Variants in FAM133A observed in about 807,000 individuals in gnomAD.
The protein encoded by FAM133A is family with sequence similarity 133 member A, also known as protein FAM133A.
For missense variants in FAM133A, 159 were observed against 164.4 expected, an observed-to-expected ratio of 0.97 and a Z score of 0.18; for synonymous variants, 65 against 58.6, an observed-to-expected ratio of 1.11 and a Z score of -0.50.
At chrX:93,708,629 A>G (rs1927206287) in intron 3 of FAM133A, among the ~76,000 whole-genome samples, 1 of 112,003 alleles carries the variant, frequency 8.9e-6, no homozygotes, top group Non-Finnish European at 1.9e-5. Flanking sequence ...AGAGACAATG[A>G]TAGGATCAAC....
rs778847468 is a variant in FAM133A at position 93,710,176 on chromosome X, A to T, written c.*10A>T. ...TCACAAGTCAAGGTAACATCAAGAA[A>T]AAAAGCAAGAATGAGTTTGCCGAGT... On this transcript the variant is annotated 3_prime_UTR_variant, in exon 4 of 4. Transcript: ENST00000683942. 8 of 1,149,934 alleles carry T rather than the reference A, an allele frequency of 7.0e-6. No homozygotes were observed. Among genetic ancestry groups the T allele is most frequent in the Non-Finnish European group, 9.2e-6 (8 of 872,109 alleles). The allele number at this position is 1,149,934 out of a possible 1,213,427, so 94.8% of individuals were successfully genotyped here. A position where few individuals can be genotyped will look rare whatever the true frequency, so the allele number is the denominator to read the frequency against.
Position 93,709,618 on chromosome X carries a change from G to A in FAM133A, c.199G>A (p.Glu67Lys), listed in dbSNP as rs34123774. The A allele has an allele frequency of 0.05, 59,241 of 1,192,061 alleles. 1,138 individuals are homozygous for A. Among genetic ancestry groups the A allele is most frequent in the Non-Finnish European group, 0.058 (51,410 of 888,953 alleles). The change falls in exon 4 of 4, where the codon GAA (glutamate) becomes AAA (lysine). Residue 67 changes from glutamate to lysine, a missense_variant. Transcript: ENST00000683942. ...AGCTGAATTTGAAGAAAAAATGAAT[G>A]AAAATTGGAAGAAAGAACTTGAAAA... ...ALAEFEEKMN[E>K]NWKKELEKSR... is the part of the protein sequence containing the mutation.
At chrX:93,700,400 A>G (rs1926613523) in intron 3 of FAM133A, among the ~76,000 whole-genome samples, 1 of 111,465 alleles carries the variant, frequency 9.0e-6, no homozygotes, top group Admixed American at 9.6e-5. Flanking sequence ...AAATTTGTTG[A>G]GTGAATGAAT....
At chrX:93,676,210 T>C (rs1924680856) in intron 2 of FAM133A, among the ~76,000 whole-genome samples, 1 of 110,951 alleles carries the variant, frequency 9.0e-6, no homozygotes, top group African/African-American at 3.3e-5. Flanking sequence ...AATGAGTCGG[T>C]TTTAAGATAA....
intron 2 of FAM133A, among the ~76,000 whole-genome samples, chrX:93,694,233 A>G (rs998522973): frequency 1.8e-5 from 2 of 111,146 alleles, no homozygotes; most frequent in African/African-American, 6.5e-5. Context: ...TTTTTTTTGC[A>G]GTAAACCACT....
chrX:93,691,194 T>C (rs1925866940), intron 2 of FAM133A, among the ~76,000 whole-genome samples: 1 of 111,512 alleles, frequency 9.0e-6, no homozygotes, highest in Non-Finnish European at 1.9e-5. Context: ...TTCAATATTT[T>C]ACCTAAGAAC....
At chrX:93,697,933 G>A (rs1020816610) in intron 2 of FAM133A, among the ~76,000 whole-genome samples, 2 of 111,480 alleles carry the variant, frequency 1.8e-5, no homozygotes, top group African/African-American at 6.5e-5. Flanking sequence ...TACCCCAGTC[G>A]CTCTTTCATT....
At chrX:93,690,876 T>TA (rs965422491) in intron 2 of FAM133A, among the ~76,000 whole-genome samples, 1 of 111,852 alleles carries the variant, frequency 8.9e-6, no homozygotes, top group African/African-American at 3.2e-5. Flanking sequence ...TGCGTCCTCA[T>TA]CAACACTTGG....
chrX:93,677,290 C>A (rs1030442445), intron 2 of FAM133A, among the ~76,000 whole-genome samples: 1 of 110,282 alleles, frequency 9.1e-6, no homozygotes, highest in Non-Finnish European at 1.9e-5. Flanking sequence ...ACAATCCCTT[C>A]CACCACCCAC....
intron 2 of FAM133A, among the ~76,000 whole-genome samples, chrX:93,678,043 G>A (rs1924843702): frequency 8.9e-6 from 1 of 111,829 alleles, no homozygotes; most frequent in Non-Finnish European, 1.9e-5. Flanking sequence ...GATATGGGCA[G>A]TGTTTTAAAA....
chrX:93,685,970 G>A (rs192162182), intron 2 of FAM133A, among the ~76,000 whole-genome samples: 5 of 108,934 alleles, frequency 4.6e-5, no homozygotes, highest in East Asian at 2.9e-4. Flanking sequence ...TTAGCTGGGC[G>A]TGGTGGCAGG....
chrX:93,678,295 A>G (rs1465212671), intron 2 of FAM133A, among the ~76,000 whole-genome samples: 1 of 111,749 alleles, frequency 8.9e-6, no homozygotes, highest in Non-Finnish European at 1.9e-5. Context: ...GCTTCTGCAA[A>G]TATTTTCTCT....
chrX:93,689,041 G>A (rs1417283334), intron 2 of FAM133A, among the ~76,000 whole-genome samples: 1 of 86,102 alleles, frequency 1.2e-5, no homozygotes, highest in African/African-American at 4.2e-5. Context: ...AATATAATAG[G>A]TAACAGCAAT....
At chrX:93,687,641 C>A (rs1265982645) in intron 2 of FAM133A, among the ~76,000 whole-genome samples, 1 of 111,726 alleles carries the variant, frequency 9.0e-6, no homozygotes, top group Non-Finnish European at 1.9e-5. Flanking sequence ...CCTTAAACAT[C>A]ATTTCTTTGT....
intron 3 of FAM133A, among the ~76,000 whole-genome samples, chrX:93,700,852 A>T (rs1364337842): frequency 3.6e-5 from 4 of 111,687 alleles, no homozygotes; most frequent in South Asian, 3.7e-4. Flanking sequence ...GAAATACATT[A>T]AAAAAATTTA....
At chrX:93,693,321 G>A (rs149265821) in intron 2 of FAM133A, among the ~76,000 whole-genome samples, 13 of 110,915 alleles carry the variant, frequency 1.2e-4, no homozygotes, top group Non-Finnish European at 1.7e-4. Context: ...ATAGCCATCT[G>A]TATTATGTAT....
intron 2 of FAM133A, among the ~76,000 whole-genome samples, chrX:93,677,364 G>A (rs992171655): frequency 9.0e-6 from 1 of 111,045 alleles, no homozygotes; most frequent in Non-Finnish European, 1.9e-5. Flanking sequence ...TTTTTTGTAG[G>A]TATCTAAGAA....
upstream of FAM133A, among the ~76,000 whole-genome samples, chrX:93,673,811 C>G (rs1478403338): frequency 9.3e-6 from 1 of 107,524 alleles, no homozygotes; most frequent in African/African-American, 3.4e-5. Flanking sequence ...TGTCCCCCTG[C>G]CCCCCAAAAA....
rs753503341 is a variant in FAM133A, at chrX:93,710,085, A to AAAGAAG, written c.678_683dup (p.Lys227_Lys228dup). The AAAGAAG allele has an allele frequency of 1.0e-5, 12 of 1,196,370 alleles. No homozygotes were observed. The Admixed American group carries it at 1.3e-4, about 13-fold the overall frequency. On this transcript the variant is annotated inframe_insertion, in exon 4 of 4. Coordinates refer to ENST00000683942, the MANE Select transcript of FAM133A (RefSeq NM_001171109.2). ...AGCGAGAACAAGCAAAGGAAAAAGT[A>AAAGAAG]AAGAAGAAGAAGAAGAAACAGCACA...
Sources: allele counts gnomAD v4.1 joint callset (sites outside exome capture counted in the v4.1 genomes callset), GRCh38; gene constraint gnomAD v4.1.1; transcripts MANE v1.5; gene names NCBI Gene and HGNC (gene_info 2026-07-23, HGNC 2026-07-21).